The following OLFM2 variants were observed in gnomAD, a reference collection of about 807,000 sequenced individuals.
The protein encoded by OLFM2 is noelin-2.
In OLFM2, 20 loss-of-function variants were observed where a neutral mutation model predicts 43.9. The ratio of observed to expected loss-of-function variants is 0.46; its 90% CI spans 0.32 to 0.66. The LOEUF is 0.66. Ranked by LOEUF, OLFM2 falls within the 30% of genes least tolerant of loss-of-function variation. The pLI is 0.04. For synonymous variants in OLFM2, 268 were observed against 278.6 expected, an observed-to-expected ratio of 0.96 and a Z score of 0.38; for missense variants, 416 against 643.6, an observed-to-expected ratio of 0.65 and a Z score of 3.83.
chr19:9,888,539 A>T (rs1393796192), intron 1 of OLFM2, among the ~76,000 whole-genome samples: 2 of 151,384 alleles, frequency 1.3e-5, no homozygotes, highest in Non-Finnish European at 2.9e-5. Context: ...AAAAACAAAA[A>T]ACAAACCTTC....
chr19:9,916,276 G>C (rs1296480404), intron 1 of OLFM2, among the ~76,000 whole-genome samples: 1 of 152,112 alleles, frequency 6.6e-6, no homozygotes, highest in Non-Finnish European at 1.5e-5. Context: ...AGAATTGCTT[G>C]AACCCAGGAG....
intron 1 of OLFM2, among the ~76,000 whole-genome samples, chr19:9,932,326 G>T (rs1188558238): frequency 6.6e-6 from 1 of 151,808 alleles, no homozygotes; most frequent in African/African-American, 2.4e-5. Flanking sequence ...CAGGTGGCAC[G>T]TGCCTGTAGT....
intron 1 of OLFM2, among the ~76,000 whole-genome samples, chr19:9,882,549 T>C (rs971404813): frequency 6.8e-6 from 1 of 147,952 alleles, no homozygotes; most frequent in East Asian, 2.0e-4. Flanking sequence ...AAAAAAAGAA[T>C]TAAATACATG....
At chr19:9,865,165 C>A (rs1226249077) in intron 1 of OLFM2, among the ~76,000 whole-genome samples, 1 of 118,528 alleles carries the variant, frequency 8.4e-6, no homozygotes, top group Non-Finnish European at 1.9e-5. Context: ...TTCTTCTTCT[C>A]CTCTTTTTTT....
chr19:9,878,388 T>A, intron 1 of OLFM2, among the ~76,000 whole-genome samples: 1 of 135,064 alleles, frequency 7.4e-6, no homozygotes, highest in African/African-American at 2.8e-5. Context: ...TCTCTTTTTT[T>A]TTTTTTTTTT....
Position 9,856,688 on chromosome 19 carries a change from G to T in OLFM2, c.687+119C>A. ...ACAGGGAGGTCCAATGGCCCTGGGG[G>T]ATCCAGGACACTTTGGGCTACAAGA... On this transcript the variant is annotated intron_variant, in intron 5 of 5. Transcript: ENST00000264833. This position sits in a 1 kb window ranked among gnomAD's most constrained non-coding sequence, Gnocchi z 4.0. The T allele has an allele frequency of 2.6e-6, 2 of 783,740 alleles. No homozygotes were observed. The highest frequency in any genetic ancestry group is 4.2e-6 in the Non-Finnish European group (2 of 473,672). 48.5% of individuals were successfully genotyped at this position (783,740 alleles called of 1,614,324 possible).
At chr19:9,889,239 G>A (rs910316360) in intron 1 of OLFM2, among the ~76,000 whole-genome samples, 1 of 151,808 alleles carries the variant, frequency 6.6e-6, no homozygotes, top group African/African-American at 2.4e-5. Flanking sequence ...GTGCAACTGT[G>A]TGTTTTTTGT....
Position 9,857,559 on chromosome 19 carries a change from T to TCCC in OLFM2, c.361-78_361-77insGGG. The TCCC allele has an allele frequency of 6.4e-7, 1 of 1,569,404 alleles. No homozygotes were observed. Among genetic ancestry groups the TCCC allele is most frequent in the Non-Finnish European group, 8.7e-7 (1 of 1,147,384 alleles). On this transcript the variant is annotated intron_variant, in intron 3 of 5. Coordinates refer to ENST00000264833, the MANE Select transcript of OLFM2 (RefSeq NM_058164.4). The surrounding 1 kb of genome is among the most constrained non-coding windows in gnomAD (Gnocchi z 5.7). ...AGACATGACTCCAACCTCTGACTCA[T>TCCC]AACTTCACCCTTTGTCTTTGATGCA...
At chr19:9,910,846 C>G (rs1397942849) in intron 1 of OLFM2, among the ~76,000 whole-genome samples, 1 of 151,368 alleles carries the variant, frequency 6.6e-6, no homozygotes, top group East Asian at 1.9e-4. Context: ...GATGGATGGA[C>G]AGATGGAATA....
At chr19:9,903,271 G>A (rs2046756082) in intron 1 of OLFM2, among the ~76,000 whole-genome samples, 2 of 152,174 alleles carry the variant, frequency 1.3e-5, no homozygotes, top group South Asian at 4.1e-4. Context: ...TCTGCCACAT[G>A]TGCCAGCATG....
At chr19:9,931,963 C>T (rs919865904) in intron 1 of OLFM2, among the ~76,000 whole-genome samples, 3 of 152,136 alleles carry the variant, frequency 2.0e-5, no homozygotes, top group African/African-American at 7.2e-5. Context: ...GAAAGAAAGA[C>T]ACTCTGTGTG....
At chr19:9,925,965 T>C (rs1022346555) in intron 1 of OLFM2, among the ~76,000 whole-genome samples, 7 of 151,184 alleles carry the variant, frequency 4.6e-5, no homozygotes, top group African/African-American at 1.7e-4. Flanking sequence ...CAAGACCCCA[T>C]CTCTACAGAA....
At chr19:9,900,891 AAG>A (rs1409546577) in intron 1 of OLFM2, among the ~76,000 whole-genome samples, 3 of 140,058 alleles carry the variant, frequency 2.1e-5, no homozygotes, top group Non-Finnish European at 4.6e-5. Context: ...ACCTTGTTTC[AAG>A]AGAGGAGAGG....
chr19:9,917,569 T>C (rs2086392508), intron 1 of OLFM2, among the ~76,000 whole-genome samples: 1 of 152,018 alleles, frequency 6.6e-6, no homozygotes, highest in African/African-American at 2.4e-5. Flanking sequence ...TGGCTACACC[T>C]CCTCCATAGT....
intron 1 of OLFM2, among the ~76,000 whole-genome samples, chr19:9,902,883 G>A (rs948995937): frequency 6.6e-6 from 1 of 151,090 alleles, no homozygotes; most frequent in African/African-American, 2.4e-5. Flanking sequence ...TCCCTATGTT[G>A]CCCAGACTGG....
Position 9,857,988 on chromosome 19 carries a change from C to A in OLFM2, c.214-127G>T, listed in dbSNP as rs2046336467. 2 of 1,187,914 alleles carry A rather than the reference C, an allele frequency of 1.7e-6. No individual in the cohort carries two copies. The highest frequency in any genetic ancestry group is 2.4e-6 in the Non-Finnish European group (2 of 817,412). 73.6% of individuals were successfully genotyped at this position (1,187,914 alleles called of 1,614,324 possible). On this transcript the variant is annotated intron_variant, in intron 2 of 5. Transcript: ENST00000264833. This position sits in a 1 kb window ranked among gnomAD's most constrained non-coding sequence, Gnocchi z 5.7. The stretch of plus-strand genomic sequence containing the variant: ...CACACCGACGAGGCCACCTTCTCCT[C>A]CCCTGAGCTTACCAGCAGCCTCCCA...
At chr19:9,902,260 C>G (rs562543127) in intron 1 of OLFM2, among the ~76,000 whole-genome samples, 1 of 152,156 alleles carries the variant, frequency 6.6e-6, no homozygotes, top group East Asian at 1.9e-4. Context: ...GATCTCCTGA[C>G]CTCGTGATTC....
intron 1 of OLFM2, among the ~76,000 whole-genome samples, chr19:9,901,087 GAGGA>G (rs1368804616): frequency 3.5e-4 from 45 of 127,260 alleles, no homozygotes; most frequent in African/African-American, 9.7e-4. Context: ...GAAAGAGAGT[GAGGA>G]AGGAAGGAAG....
intron 1 of OLFM2, among the ~76,000 whole-genome samples, chr19:9,901,670 A>G (rs992899760): frequency 1.3e-5 from 2 of 152,048 alleles, no homozygotes; most frequent in Non-Finnish European, 2.9e-5. Flanking sequence ...GAATTTCTGG[A>G]GATTTGGTTA....
Sources: gnomAD v4.1 joint callset for allele counts (sites outside exome capture counted in the v4.1 genomes callset) on GRCh38, gnomAD v4.1.1 for gene constraint, Gnocchi (gnomAD v3.1) non-coding constraint, MANE v1.5 for transcripts, NCBI Gene and HGNC (gene_info 2026-07-23, HGNC 2026-07-21) for gene names.